The following GCNT4 variants were observed in gnomAD, a reference collection of about 807,000 sequenced individuals.
GCNT4 encodes beta-1,3-galactosyl-O-glycosyl-glycoprotein beta-1,6-N-acetylglucosaminyltransferase 4.
In GCNT4, 17 loss-of-function variants were observed where a neutral mutation model predicts 31.3. That is an observed-to-expected ratio of 0.54 (90% CI 0.37 to 0.81). The LOEUF (loss-of-function observed/expected upper bound fraction) is 0.81. GCNT4 is among the 40% of genes least tolerant of loss of function. GCNT4 has a pLI of 0.00. For synonymous variants in GCNT4, 158 were observed against 190.6 expected, an observed-to-expected ratio of 0.83 and a Z score of 1.41; for missense variants, 503 against 525.5, an observed-to-expected ratio of 0.96 and a Z score of 0.42.
chr5:75,017,719 T>G, the GCNT4 span, among the ~76,000 whole-genome samples: 2,140 of 152,188 alleles, frequency 0.014, 48 homozygotes, highest in African/African-American at 0.049. Flanking sequence ...ACCTCCACTT[T>G]CCCGTGACCA....
chr5:75,040,163 C>T lies in GCNT4; in HGVS notation c.-2+7734G>A, dbSNP rs139508335. Among the ~76,000 whole-genome samples, 552 of 151,856 alleles carry T rather than the reference C, an allele frequency of 3.6e-3. 4 individuals are homozygous for T. The highest frequency in any genetic ancestry group is 6.8e-3 in the Middle Eastern group (2 of 294). ...TGCTCCAGGAAAAGAAATAGCTTTT[C>T]CTCAGGTCCTCTCTGATAACTTTTT... On this transcript the variant is annotated intron_variant, in intron 3 of 3. Coordinates refer to ENST00000652361, the MANE Select transcript of GCNT4 (RefSeq NM_001366737.1).
At position 75,029,751 on chromosome 5, in the gene GCNT4, A is replaced by G. The variant is rs1188110403; in HGVS notation, c.287T>C (p.Ile96Thr). 6.2e-7 allele frequency: 1 copy of G among 1,614,114 alleles called. No homozygotes were observed. The highest frequency in any genetic ancestry group is 1.7e-5 in the Admixed American group (1 of 60,016). Reference protein sequence around the residue: ...KSLEIRRRDIIDLEDDDVVAM... With the variant: ...KSLEIRRRDITDLEDDDVVAM... ...CACAACATCATCATCCTCCAAGTCA[A>G]TGATGTCCCTTCTTCTTATTTCCAG... Residue 96 changes from isoleucine to threonine, a missense_variant, in exon 4 of 4, where the codon ATT becomes ACT. By Grantham distance (89) the Ile-to-Thr change is moderately conservative (BLOSUM62 -1). Transcript: ENST00000652361.
At chr5:75,048,368 G>A (rs527813640) in intron 2 of GCNT4, among the ~76,000 whole-genome samples, 13 of 152,214 alleles carry the variant, frequency 8.5e-5, no homozygotes, top group African/African-American at 2.4e-4. Flanking sequence ...AAACTAACAC[G>A]TGCAAAAAAT....
At position 75,029,368 on chromosome 5, in the gene GCNT4, T is replaced by C; in HGVS notation, c.670A>G (p.Ile224Val). The C allele has an allele frequency of 6.2e-7, 1 of 1,614,126 alleles. No individual in the cohort carries two copies. The highest frequency in any genetic ancestry group is 8.5e-7 in the Non-Finnish European group (1 of 1,179,974). The stretch of plus-strand genomic sequence containing the variant: ...GGAAAATCTTGCCCACACAAGTTGA[T>C]AACATATTTCCACTGGATTGAAGAC... ...LKSSIQWKYV[I>V]NLCGQDFPLK... The change falls in exon 4 of 4, where the codon ATC becomes GTC. Residue 224 changes from isoleucine to valine, a missense_variant. Transcript: ENST00000652361.
chr5:75,028,770 C>G lies in GCNT4; in HGVS notation c.1268G>C (p.Cys423Ser). 6.2e-7 allele frequency: 1 copy of G among 1,614,036 alleles called. No homozygotes were observed. The highest frequency in any genetic ancestry group is 8.5e-7 in the Non-Finnish European group (1 of 1,179,998). Residue 423 changes from cysteine (C) to serine (S), a missense_variant, in exon 4 of 4, where the codon TGC becomes TCC. By Grantham distance (112) the Cys-to-Ser change is moderately radical. Transcript: ENST00000652361. ...DSKVDPILIKCLAEKLEEQQR... is the reference protein window; with the variant it reads ...DSKVDPILIKSLAEKLEEQQR... ...CTGTTCTTCAAGCTTTTCTGCCAAG[C>G]ATTTAATCAAGATAGGGTCCACCTT...
intron 3 of GCNT4, among the ~76,000 whole-genome samples, chr5:75,044,894 G>A (rs1031632286): frequency 6.6e-5 from 10 of 152,150 alleles, no homozygotes; most frequent in Admixed American, 6.5e-4. Flanking sequence ...TAGGGATAAT[G>A]GGGAGAGGGC....
At chr5:75,021,372 C>T (rs1336856197), downstream of GCNT4, among the ~76,000 whole-genome samples, 2 of 152,176 alleles carry the variant, frequency 1.3e-5, no homozygotes, top group Non-Finnish European at 2.9e-5. Context: ...TGATTAGCCC[C>T]GTTTAGATCA....
At chr5:75,052,265 AAAG>A (rs888163171) in intron 1 of GCNT4, 38 bp from the exon 2 acceptor site, 1 of 151,962 alleles carries the variant, frequency 6.6e-6, no homozygotes, top group Non-Finnish European at 1.5e-5. Context: ...AAAAAAAGAA[AAAG>A]AAAAAAATGA....
rs1158839776 is a variant in GCNT4, at chr5:75,029,340, A to G, written c.698T>C (p.Leu233Pro). The G allele has an allele frequency of 6.2e-7, 1 of 1,614,142 alleles. No homozygotes were observed. The highest frequency in any genetic ancestry group is 1.7e-5 in the Admixed American group (1 of 60,020). The change falls in exon 4 of 4, where the codon CTG becomes CCG. Residue 233 changes from leucine (L) to proline (P), a missense_variant. Coordinates refer to ENST00000652361, the MANE Select transcript of GCNT4 (RefSeq NM_001366737.1). ...TGACACCAATTCAAAATTTGACTTCAGGGGAAAATCTTGCCCACACAAGTT... is the reference window on the plus strand; with the variant it reads ...TGACACCAATTCAAAATTTGACTTCGGGGGAAAATCTTGCCCACACAAGTT... The part of the protein sequence containing the change: ...VINLCGQDFP[L>P]KSNFELVSEL...
chr5:75,052,139 G>T (rs1364293148), intron 2 of GCNT4, 30 bp downstream of exon 2: 1 of 147,382 alleles, frequency 6.8e-6, no homozygotes, highest in African/African-American at 2.5e-5. Flanking sequence ...ATGAATGCAA[G>T]ATCAAAAAGG....
At chr5:75,031,798 G>A (rs1407739996) in intron 3 of GCNT4, among the ~76,000 whole-genome samples, 1 of 152,192 alleles carries the variant, frequency 6.6e-6, no homozygotes, top group East Asian at 1.9e-4. Flanking sequence ...AGCAAGAAGG[G>A]CGGCCCAGGA....
chr5:75,029,733 T>A lies in GCNT4; in HGVS notation c.305A>T (p.Asp102Val), dbSNP rs1561373125. 6.2e-7 allele frequency: 1 copy of A among 1,614,122 alleles called. No individual in the cohort carries two copies. The highest frequency in any genetic ancestry group is 1.1e-5 in the South Asian group (1 of 91,078). Reference sequence around the variant, plus strand: ...ACAATCACTGGTCATTGCCACAACATCATCATCCTCCAAGTCAATGATGTC... The same window carrying A: ...ACAATCACTGGTCATTGCCACAACAACATCATCCTCCAAGTCAATGATGTC... The part of the protein sequence containing the change: ...RRDIIDLEDD[D>V]VVAMTSDCDI... The change falls in exon 4 of 4, where the codon GAT (aspartate) becomes GTT (valine). Residue 102 changes from aspartate (D) to valine (V), a missense_variant. Transcript: ENST00000652361.
intron 2 of GCNT4, among the ~76,000 whole-genome samples, chr5:75,051,254 G>C (rs1011769434): frequency 3.9e-5 from 6 of 152,220 alleles, no homozygotes; most frequent in Non-Finnish European, 8.8e-5. Context: ...TCCTGCCTCA[G>C]CACAGATGCA....
At chr5:75,053,307 G>C (rs1743630775), upstream of GCNT4, among the ~76,000 whole-genome samples, 1 of 152,030 alleles carries the variant, frequency 6.6e-6, no homozygotes, top group South Asian at 2.1e-4. Context: ...GAGAGGCCGG[G>C]GTTCAGCCCG....
intron 3 of GCNT4, among the ~76,000 whole-genome samples, chr5:75,032,916 T>TGTGTGTGC (rs1743102758): frequency 6.9e-6 from 1 of 143,988 alleles, no homozygotes; most frequent in African/African-American, 2.8e-5. Flanking sequence ...TGTGTGTGTG[T>TGTGTGTGC]GTGTGTGATT....
At chr5:75,023,782 A>G (rs1307360831), downstream of GCNT4, 2 of 152,258 alleles carry the variant, frequency 1.3e-5, no homozygotes, top group Non-Finnish European at 2.9e-5. Context: ...TCTATGAGAA[A>G]CAACAAAGAA....
chr5:75,035,460 C>T (rs762301095), intron 3 of GCNT4, among the ~76,000 whole-genome samples: 32 of 152,292 alleles, frequency 2.1e-4, no homozygotes, highest in African/African-American at 6.3e-4. Context: ...AAAGGAGCTG[C>T]GCTTCAGGAT....
rs757255449 is a variant in GCNT4, at chr5:75,025,568, TATA to T, written c.*3105_*3107del. 3 of 152,232 alleles carry T rather than the reference TATA, an allele frequency of 2.0e-5. No homozygotes were observed. The highest frequency in any genetic ancestry group is 1.5e-5 in the Non-Finnish European group (1 of 68,040). 9.4% of individuals were successfully genotyped at this position (152,232 alleles called of 1,614,324 possible). On this transcript the variant is annotated 3_prime_UTR_variant, in exon 4 of 4. Coordinates refer to ENST00000652361, the MANE Select transcript of GCNT4 (RefSeq NM_001366737.1). ...ATCATCAGTGCAAACAAAAATCATT[TATA>T]ATAACATACATATGAATACATTCAC...
At chr5:75,052,682 T>C (rs1050724022), upstream of GCNT4, 4 of 152,114 alleles carry the variant, frequency 2.6e-5, no homozygotes, top group African/African-American at 7.2e-5. Flanking sequence ...CCAGCCCCGG[T>C]TGCCCTGGCG....
Sources: gnomAD v4.1 joint callset for allele counts (sites outside exome capture counted in the v4.1 genomes callset) on GRCh38, gnomAD v4.1.1 for gene constraint, MANE v1.5 for transcripts, NCBI Gene and HGNC (gene_info 2026-07-23, HGNC 2026-07-21) for gene names.